Variants in AFG1L observed in about 807,000 individuals in gnomAD.
The protein encoded by AFG1L is AFG1-like ATPase.
AFG1L carries 53 observed loss-of-function variants against 62.2 expected under a neutral mutation model. That is an observed-to-expected ratio of 0.85 (90% CI 0.68 to 1.07). The LOEUF is 1.07. Ranked by LOEUF, AFG1L falls within the 50% of genes least tolerant of loss-of-function variation. The pLI, the probability that AFG1L is intolerant of heterozygous loss-of-function variation, is 0.00. For synonymous variants in AFG1L, 228 were observed against 210.3 expected, an observed-to-expected ratio of 1.08 and a Z score of -0.73; for missense variants, 555 against 590.5, an observed-to-expected ratio of 0.94 and a Z score of 0.62.
At chr6:108,493,743 G>C (rs546215821) in intron 10 of AFG1L, among the ~76,000 whole-genome samples, 1 of 152,240 alleles carries the variant, frequency 6.6e-6, no homozygotes, top group African/African-American at 2.4e-5. Flanking sequence ...TTTTGCAGTT[G>C]TTATGTATTG....
At chr6:108,409,462 G>A (rs1231877711) in intron 7 of AFG1L, among the ~76,000 whole-genome samples, 5 of 152,098 alleles carry the variant, frequency 3.3e-5, no homozygotes, top group Non-Finnish European at 7.3e-5. Flanking sequence ...AGCAGGAGCG[G>A]GGGGAGAGGC....
chr6:108,385,481 C>T (rs939977990), intron 6 of AFG1L, among the ~76,000 whole-genome samples: 1 of 152,172 alleles, frequency 6.6e-6, no homozygotes, highest in Non-Finnish European at 1.5e-5. Flanking sequence ...CCTTTGTTTC[C>T]CATAAGGAAT....
intron 2 of AFG1L, among the ~76,000 whole-genome samples, chr6:108,325,467 C>T (rs1376439925): frequency 1.3e-5 from 2 of 149,554 alleles, no homozygotes; most frequent in Admixed American, 1.3e-4. Context: ...CTAATTCCTG[C>T]ATGGATGTGA....
intron 3 of AFG1L, among the ~76,000 whole-genome samples, chr6:108,350,619 GT>G (rs1779043713): frequency 6.6e-6 from 1 of 152,202 alleles, no homozygotes; most frequent in Non-Finnish European, 1.5e-5. Context: ...GCCAAAAGCT[GT>G]GGTAGTAGTA....
chr6:108,499,120 G>A (rs540315973), intron 10 of AFG1L, among the ~76,000 whole-genome samples: 2 of 148,814 alleles, frequency 1.3e-5, no homozygotes, highest in Admixed American at 1.3e-4. Flanking sequence ...CCAGGCTGGA[G>A]TACAGTGGCG....
chr6:108,462,777 G>A (rs1179769255), intron 8 of AFG1L, among the ~76,000 whole-genome samples: 2 of 152,034 alleles, frequency 1.3e-5, no homozygotes, highest in African/African-American at 4.8e-5. Flanking sequence ...TAATAATTGT[G>A]TATATATATA....
intron 7 of AFG1L, among the ~76,000 whole-genome samples, chr6:108,428,721 A>G (rs1432676048): frequency 1.3e-5 from 2 of 152,062 alleles, no homozygotes. Flanking sequence ...GCATTTTTCC[A>G]TATGTTTGTT....
chr6:108,462,813 A>G (rs1772512977), intron 8 of AFG1L, among the ~76,000 whole-genome samples: 1 of 152,222 alleles, frequency 6.6e-6, no homozygotes, highest in Non-Finnish European at 1.5e-5. Context: ...GATAATATGT[A>G]TTCTTACACG....
chr6:108,525,424 T>A lies in AFG1L; in HGVS notation c.*2999T>A, dbSNP rs1312501964. 6 of 152,204 alleles carry A rather than the reference T, an allele frequency of 3.9e-5. No individual in the cohort carries two copies. The highest frequency in any genetic ancestry group is 1.2e-4 in the African/African-American group (5 of 41,452). 9.4% of individuals were successfully genotyped at this position (152,204 alleles called of 1,614,324 possible). A position where few individuals can be genotyped will look rare whatever the true frequency, so the allele number is the denominator to read the frequency against. ...ATGCATTTTCAGTGGGACTTCAAAT[T>A]TTAATAATAAGGCAATACTTTTATC... On this transcript the variant is annotated 3_prime_UTR_variant, in exon 13 of 13. Transcript: ENST00000368977.
At chr6:108,297,397 G>A (rs1456969140) in intron 1 of AFG1L, among the ~76,000 whole-genome samples, 2 of 152,136 alleles carry the variant, frequency 1.3e-5, no homozygotes, top group Non-Finnish European at 2.9e-5. Context: ...GTGAGCCATG[G>A]TGCCCTGCCC....
chr6:108,434,047 G>T (rs1418440589), intron 7 of AFG1L, among the ~76,000 whole-genome samples: 1 of 152,214 alleles, frequency 6.6e-6, no homozygotes, highest in African/African-American at 2.4e-5. Flanking sequence ...ACAGGAATTG[G>T]AATAGGAGCT....
At chr6:108,505,116 A>G (rs574434685) in intron 10 of AFG1L, among the ~76,000 whole-genome samples, 2 of 136,590 alleles carry the variant, frequency 1.5e-5, no homozygotes, top group South Asian at 4.5e-4. Context: ...TTTTTTTGAG[A>G]TGGAGTCTCA....
intron 5 of AFG1L, 137 bp from the exon 6 acceptor site, chr6:108,366,096 C>A: frequency 1.8e-6 from 1 of 555,094 alleles, no homozygotes; most frequent in Admixed American, 2.9e-5. Flanking sequence ...TTTTAATTAT[C>A]TACTCTTTTC....
At chr6:108,299,753 C>T (rs972629027) in intron 1 of AFG1L, among the ~76,000 whole-genome samples, 4 of 152,050 alleles carry the variant, frequency 2.6e-5, no homozygotes, top group African/African-American at 9.7e-5. Context: ...GCCTGGGCAG[C>T]ATAATGAGAC....
chr6:108,328,618 G>A (rs577681898), intron 2 of AFG1L, among the ~76,000 whole-genome samples: 1 of 151,486 alleles, frequency 6.6e-6, no homozygotes, highest in Non-Finnish European at 1.5e-5. Flanking sequence ...GTCCAGGCTG[G>A]TCTTGAACTC....
At chr6:108,342,136 A>G (rs1384760760) in intron 2 of AFG1L, among the ~76,000 whole-genome samples, 2 of 152,288 alleles carry the variant, frequency 1.3e-5, no homozygotes, top group Non-Finnish European at 1.5e-5. Context: ...CTACTGGGAC[A>G]CAGCTCTGAA....
chr6:108,342,013 A>T (rs553913451), intron 2 of AFG1L, among the ~76,000 whole-genome samples: 4 of 152,328 alleles, frequency 2.6e-5, no homozygotes, highest in African/African-American at 9.6e-5. Context: ...TTAGAGAGGC[A>T]TGGGCAGGCT....
At chr6:108,403,371 T>G (rs1463184749) in intron 7 of AFG1L, among the ~76,000 whole-genome samples, 1 of 152,170 alleles carries the variant, frequency 6.6e-6, no homozygotes, top group Non-Finnish European at 1.5e-5. Context: ...GACAATCTTT[T>G]TGACGTGTAC....
intron 10 of AFG1L, among the ~76,000 whole-genome samples, chr6:108,496,097 C>T (rs902830783): frequency 2.0e-5 from 3 of 152,148 alleles, no homozygotes; most frequent in African/African-American, 7.2e-5. Flanking sequence ...ATTCACAATA[C>T]TAATTATGGT....
Sources: gnomAD v4.1 joint callset for allele counts (sites outside exome capture counted in the v4.1 genomes callset) on GRCh38, gnomAD v4.1.1 for gene constraint, MANE v1.5 for transcripts, NCBI Gene and HGNC (gene_info 2026-07-23, HGNC 2026-07-21) for gene names.